Variants in LAPTM4B observed in about 807,000 individuals in gnomAD.
LAPTM4B encodes lysosomal protein transmembrane 4 beta.
In LAPTM4B, 26 loss-of-function variants were observed where a neutral mutation model predicts 28.5. That is an observed-to-expected ratio of 0.91 (90% CI 0.67 to 1.27). The LOEUF (loss-of-function observed/expected upper bound fraction) is 1.27. LAPTM4B is among the 50% of genes most tolerant of loss of function. The pLI, the probability that LAPTM4B is intolerant of heterozygous loss-of-function variation, is 0.00. For missense variants in LAPTM4B, 288 were observed against 285.8 expected (o/e 1.01, Z -0.06); for synonymous variants, 109 against 106.4 (o/e 1.02, Z -0.15).
intron 4 of LAPTM4B, among the ~76,000 whole-genome samples, chr8:97,818,783 C>T (rs1425617587): frequency 6.6e-6 from 1 of 151,842 alleles, no homozygotes; most frequent in Admixed American, 6.6e-5. Context: ...TCACTGCAAC[C>T]TCCACCACCA....
intron 1 of LAPTM4B, among the ~76,000 whole-genome samples, chr8:97,801,078 G>C (rs954450313): frequency 4.0e-5 from 6 of 151,686 alleles, no homozygotes; most frequent in East Asian, 1.9e-4. Flanking sequence ...AAAGCTTTTT[G>C]CCCATGAATC....
intron 1 of LAPTM4B, among the ~76,000 whole-genome samples, chr8:97,777,164 T>TTTTTTTTTG (rs1816234328): frequency 7.5e-6 from 1 of 132,566 alleles, no homozygotes; most frequent in African/African-American, 3.1e-5. Flanking sequence ...TTTTTTTTTT[T>TTTTTTTTTG]GAGACAGAGT....
Position 97,851,490 on chromosome 8 carries a change from G to C in LAPTM4B, c.*16G>C. The stretch of plus-strand genomic sequence containing the variant: ...GTCTGCCTAAGCCTTCAAGTGGGCG[G>C]AGCTGAGGGCAGCAGCTTGACTTTG... On this transcript the variant is annotated 3_prime_UTR_variant, in exon 7 of 7. Transcript: ENST00000521545. 6.2e-7 allele frequency: 1 copy of C among 1,602,262 alleles called. No homozygotes were observed. Among genetic ancestry groups the C allele is most frequent in the Non-Finnish European group, 8.6e-7 (1 of 1,169,206 alleles).
intron 6 of LAPTM4B, among the ~76,000 whole-genome samples, chr8:97,836,660 A>G (rs747612421): frequency 6.6e-6 from 1 of 152,062 alleles, no homozygotes. Flanking sequence ...AAAATGGTAT[A>G]TAAGAATTCT....
At chr8:97,823,291 T>G (rs898425877) in intron 5 of LAPTM4B, among the ~76,000 whole-genome samples, 2 of 152,176 alleles carry the variant, frequency 1.3e-5, no homozygotes, top group African/African-American at 4.8e-5. Context: ...GCAAAGGCCC[T>G]TGAGAATGCC....
intron 1 of LAPTM4B, among the ~76,000 whole-genome samples, chr8:97,799,521 C>T (rs909923749): frequency 2.0e-5 from 3 of 152,154 alleles, no homozygotes; most frequent in African/African-American, 7.2e-5. Flanking sequence ...GTTATCTGAA[C>T]CTGAGCACGG....
chr8:97,807,373 C>G lies in LAPTM4B; in HGVS notation c.211+1909C>G, dbSNP rs1276097378. 7.9e-5 allele frequency among the ~76,000 whole-genome samples: 12 copies of G among 152,168 alleles called. 1 individual carries two copies. The highest frequency in any genetic ancestry group is 7.9e-4 in the Admixed American group (12 of 15,268). Reference sequence around the variant, plus strand: ...ATCACTTGAGATCAGGAGTTCAAGACCAGCCTGGTCAACGTGGCAAAACAC... The same window carrying G: ...ATCACTTGAGATCAGGAGTTCAAGAGCAGCCTGGTCAACGTGGCAAAACAC... On this transcript the variant is annotated intron_variant, in intron 2 of 6. Coordinates refer to ENST00000521545, the MANE Select transcript of LAPTM4B (RefSeq NM_018407.6).
At chr8:97,789,589 G>A (rs2129737654) in intron 1 of LAPTM4B, among the ~76,000 whole-genome samples, 1 of 150,464 alleles carries the variant, frequency 6.6e-6, no homozygotes, top group South Asian at 2.1e-4. Flanking sequence ...GTGCAATGGT[G>A]TGATCTCGGC....
At chr8:97,784,565 G>A (rs540961068) in intron 1 of LAPTM4B, among the ~76,000 whole-genome samples, 9 of 151,970 alleles carry the variant, frequency 5.9e-5, no homozygotes, top group East Asian at 3.9e-4. Flanking sequence ...TCAGCCTCTC[G>A]AGTAGCTGGG....
chr8:97,788,880 C>T (rs905357387), intron 1 of LAPTM4B, among the ~76,000 whole-genome samples: 3 of 149,412 alleles, frequency 2.0e-5, no homozygotes, highest in African/African-American at 7.4e-5. Context: ...ATTTTTAGTA[C>T]AGACGGGGTT....
chr8:97,818,070 C>A (rs2129796781), intron 4 of LAPTM4B, among the ~76,000 whole-genome samples: 1 of 152,334 alleles, frequency 6.6e-6, no homozygotes, highest in South Asian at 2.1e-4. Context: ...GCCTCAGCCT[C>A]CCAAAGTGCT....
intron 6 of LAPTM4B, among the ~76,000 whole-genome samples, chr8:97,827,589 G>A (rs2513958): frequency 0.47 from 71,508 of 152,102 alleles, 17,082 homozygotes; most frequent in East Asian, 0.57. Flanking sequence ...GACTTGCAGA[G>A]TGTTGGAGTG....
intron 6 of LAPTM4B, among the ~76,000 whole-genome samples, chr8:97,850,018 C>A (rs1413227142): frequency 6.6e-6 from 1 of 151,842 alleles, no homozygotes; most frequent in Non-Finnish European, 1.5e-5. Flanking sequence ...GAAGCCTCTC[C>A]ACTGTCCAAT....
At chr8:97,822,278 G>T (rs1817015991) in intron 5 of LAPTM4B, among the ~76,000 whole-genome samples, 1 of 151,316 alleles carries the variant, frequency 6.6e-6, no homozygotes, top group Admixed American at 6.6e-5. Context: ...CTTGTTTTTG[G>T]TCAGTCTCCC....
At chr8:97,810,503 G>A (rs1245304548) in intron 2 of LAPTM4B, among the ~76,000 whole-genome samples, 1 of 152,192 alleles carries the variant, frequency 6.6e-6, no homozygotes, top group Non-Finnish European at 1.5e-5. Context: ...TGCTGTGTTT[G>A]TAACTTTCCT....
chr8:97,843,291 G>A (rs1407149720), intron 6 of LAPTM4B, among the ~76,000 whole-genome samples: 1 of 152,092 alleles, frequency 6.6e-6, no homozygotes, highest in African/African-American at 2.4e-5. Flanking sequence ...GCTGGCTATG[G>A]TGGTGTGTGC....
At chr8:97,778,126 G>A (rs1369093894) in intron 1 of LAPTM4B, among the ~76,000 whole-genome samples, 1 of 152,152 alleles carries the variant, frequency 6.6e-6, no homozygotes, top group East Asian at 1.9e-4. Context: ...AGTTATTGGT[G>A]TGTTTGTCTT....
chr8:97,833,361 T>C (rs1044998510), intron 6 of LAPTM4B, among the ~76,000 whole-genome samples: 3 of 152,148 alleles, frequency 2.0e-5, no homozygotes, highest in Admixed American at 6.5e-5. Context: ...CTCAATCAAT[T>C]AATCACTCAA....
chr8:97,804,348 G>C (rs958355322), intron 1 of LAPTM4B, among the ~76,000 whole-genome samples: 2 of 152,130 alleles, frequency 1.3e-5, no homozygotes, highest in African/African-American at 4.8e-5. Context: ...GAAATGAAGA[G>C]GTAGAATGAT....
Sources: allele counts gnomAD v4.1 joint callset (sites outside exome capture counted in the v4.1 genomes callset), GRCh38; gene constraint gnomAD v4.1.1; transcripts MANE v1.5; gene names NCBI Gene and HGNC (gene_info 2026-07-23, HGNC 2026-07-21).